BOD1: variants seen among roughly 807,000 people sequenced by gnomAD.
The protein encoded by BOD1 is biorientation of chromosomes in cell division protein 1.
Under a neutral mutation model 15.7 loss-of-function variants are expected in BOD1, and 11 were observed. The observed-to-expected ratio is 0.70, with a 90% CI of 0.44 to 1.16. The LOEUF (loss-of-function observed/expected upper bound fraction) is 1.16, where lower values mean the gene tolerates loss of function less well. Among genes scored for constraint, BOD1 ranks in the 50% most tolerant of loss-of-function variants. The probability of loss-of-function intolerance (pLI) is 0.00; values close to 1 mark genes in which losing one functional copy is unlikely to be tolerated. For missense variants in BOD1, 182 were observed against 244.5 expected (o/e 0.74, Z 1.70); for synonymous variants, 105 against 103.5 (o/e 1.01, Z -0.09).
At chr5:173,609,702 T>A in intron 2 of BOD1, 1 of 395,256 alleles carries the variant, frequency 2.5e-6, no homozygotes, top group South Asian at 4.3e-5. Flanking sequence ...CAAAACTAAG[T>A]GAGTTGCTCC....
chr5:173,612,403 G>A (rs114954224), intron 2 of BOD1, among the ~76,000 whole-genome samples: 161 of 152,220 alleles, frequency 1.1e-3, no homozygotes, highest in Non-Finnish European at 2.0e-3. Context: ...GTGTAGCTCC[G>A]TGCGACTTTA....
intron 2 of BOD1, among the ~76,000 whole-genome samples, chr5:173,611,209 CA>C: frequency 6.6e-6 from 1 of 152,292 alleles, no homozygotes. Flanking sequence ...ATGGAAAAAA[CA>C]AATATTGTAC....
chr5:173,616,395 G>C lies in BOD1; in HGVS notation c.42C>G (p.Gly14=). Reference sequence around the variant, plus strand: ...CAGAGGCCTGGCTAGTTCCGCCGCCGCCCACCGCGCCAGTTCCCCCGCCGC... The same window carrying C: ...CAGAGGCCTGGCTAGTTCCGCCGCCCCCCACCGCGCCAGTTCCCCCGCCGC... ...GGGGGGTGAV[G]GGGTSQASAG... The change falls in exon 1 of 4, where the codon GGC becomes GGG. Residue 14 remains glycine, a synonymous_variant. Coordinates refer to ENST00000311086, the MANE Select transcript of BOD1 (RefSeq NM_138369.3). The C allele has an allele frequency of 6.6e-7, 1 of 1,523,234 alleles. No homozygotes were observed. Among genetic ancestry groups the C allele is most frequent in the Non-Finnish European group, 8.7e-7 (1 of 1,144,688 alleles). The allele number at this position is 1,523,234 out of a possible 1,614,324, so 94.4% of individuals were successfully genotyped here.
chr5:173,608,353 T>C, intron 3 of BOD1, 61 bp from the exon 4 acceptor site: 1 of 1,271,316 alleles, frequency 7.9e-7, no homozygotes, highest in Non-Finnish European at 1.1e-6. Context: ...ATATTCACTT[T>C]TATGTTCCTA....
intron 3 of BOD1, 30 bp downstream of exon 3, chr5:173,609,208 T>C (rs1755281087): frequency 2.2e-6 from 3 of 1,384,830 alleles, no homozygotes; most frequent in African/African-American, 3.9e-5. Flanking sequence ...CAGAGATGCA[T>C]ACTCCTGGAC....
chr5:173,616,587 T>G lies in BOD1; in HGVS notation c.-151A>C, dbSNP rs963447554. 6.6e-6 allele frequency: 9 copies of G among 1,356,656 alleles called. No individual in the cohort carries two copies. In the East Asian group the frequency reaches 2.2e-4, roughly 33 times the overall value. The allele number at this position is 1,356,656 out of a possible 1,614,324, so 84.0% of individuals were successfully genotyped here. On this transcript the variant is annotated 5_prime_UTR_variant, in exon 1 of 4. Transcript: ENST00000311086. ...GTGGCGATGGCGGCAGGGGCGGTGG[T>G]GGGGGCGGCGGCGGCGAAGGCCCCC...
chr5:173,609,682 G>A (rs974015995), intron 2 of BOD1: 44 of 430,434 alleles, frequency 1.0e-4, no homozygotes, highest in Non-Finnish European at 1.7e-4. Context: ...TTGTACAAAA[G>A]AATCAAAAAC....
chr5:173,614,649 A>C (rs1755443940), intron 1 of BOD1: 1 of 152,246 alleles, frequency 6.6e-6, no homozygotes. Context: ...GAAGCAACAA[A>C]GGTCTCAGAT....
In BOD1 at chr5:173,616,588, G is replaced by C; in HGVS notation, c.-152C>G. The C allele has an allele frequency of 1.5e-6, 2 of 1,359,270 alleles. No homozygotes were observed. Among genetic ancestry groups the C allele is most frequent in the Non-Finnish European group, 1.9e-6 (2 of 1,063,482 alleles). The allele number at this position is 1,359,270 out of a possible 1,614,324, so 84.2% of individuals were successfully genotyped here. Reference sequence around the variant, plus strand: ...TGGCGATGGCGGCAGGGGCGGTGGTGGGGGCGGCGGCGGCGAAGGCCCCCT... The same window carrying C: ...TGGCGATGGCGGCAGGGGCGGTGGTCGGGGCGGCGGCGGCGAAGGCCCCCT... On this transcript the variant is annotated 5_prime_UTR_variant, in exon 1 of 4. Coordinates refer to ENST00000311086, the MANE Select transcript of BOD1 (RefSeq NM_138369.3).
At chr5:173,608,416 A>G (rs1228873736) in intron 3 of BOD1, 124 bp from the exon 4 acceptor site, 1 of 763,212 alleles carries the variant, frequency 1.3e-6, no homozygotes, top group Non-Finnish European at 2.1e-6. Flanking sequence ...TACACTCCAT[A>G]TTGGACTCAA....
chr5:173,616,525 GGTGAAGGAGGAGGGCCCCAAGGCGGCA>G lies in BOD1; in HGVS notation c.-116_-90del. 1 of 1,452,236 alleles carries G rather than the reference GGTGAAGGAGGAGGGCCCCAAGGCGGCA, an allele frequency of 6.9e-7. No homozygotes were observed. The highest frequency in any genetic ancestry group is 1.4e-5 in the South Asian group (1 of 72,822). 90.0% of individuals were successfully genotyped at this position (1,452,236 alleles called of 1,614,324 possible). A position where few individuals can be genotyped will look rare whatever the true frequency, so the allele number is the denominator to read the frequency against. On this transcript the variant is annotated 5_prime_UTR_variant, in exon 1 of 4. Coordinates refer to ENST00000311086, the MANE Select transcript of BOD1 (RefSeq NM_138369.3). ...AACGTGTAGAGGTGGTGAAGGGGGC[GGTGAAGGAGGAGGGCCCCAAGGCGGCA>G]GCGGCGGAGGTGGCGATGGCGGCAG...
rs886944241 is a variant in BOD1, at chr5:173,616,413, C to G, written c.24G>C (p.Gly8=). 47 of 1,538,442 alleles carry G rather than the reference C, an allele frequency of 3.1e-5. No individual in the cohort carries two copies. The African/African-American group carries it at 6.0e-4, about 20-fold the overall frequency. ...CGCCGCCGCCCACCGCGCCAGTTCC[C>G]CCGCCGCCGCCGCCGTCCGCCATGG... MADGGGG[G]GTGAVGGGGT... The change falls in exon 1 of 4, where the codon GGG becomes GGC. Residue 8 remains glycine, a synonymous_variant. Transcript: ENST00000311086.
chr5:173,610,300 T>A (rs1019490822), intron 2 of BOD1, among the ~76,000 whole-genome samples: 2 of 152,260 alleles, frequency 1.3e-5, no homozygotes, highest in Non-Finnish European at 2.9e-5. Flanking sequence ...AGAGGCCATT[T>A]AAGCCTTCGG....
chr5:173,616,192 G>A lies in BOD1; in HGVS notation c.237+8C>T, dbSNP rs779613427. On this transcript the variant is annotated splice_region_variant and intron_variant, in intron 1 of 3. Transcript: ENST00000311086. ...CCCGCTCCCCAACGCCCAGGCGGCC[G>A]CAGCTACCTTGGTGTCCACGTCGGC... 1 of 1,574,104 alleles carries A rather than the reference G, an allele frequency of 6.4e-7. No individual in the cohort carries two copies. Among genetic ancestry groups the A allele is most frequent in the Non-Finnish European group, 8.6e-7 (1 of 1,160,824 alleles).
At chr5:173,616,159 C>A in intron 1 of BOD1, 41 bp downstream of exon 1, 4 of 1,554,426 alleles carry the variant, frequency 2.6e-6, no homozygotes, top group East Asian at 2.4e-5. Flanking sequence ...GGCGGCCTCA[C>A]GTGCAGCCCC....
rs1581240150 is a variant in BOD1, at chr5:173,608,098, A to C, written c.*196T>G. The C allele has an allele frequency of 8.4e-6, 4 of 474,528 alleles. No individual in the cohort carries two copies. The East Asian group carries it at 1.1e-4, about 13-fold the overall frequency. 29.4% of individuals were successfully genotyped at this position (474,528 alleles called of 1,614,324 possible). The stretch of plus-strand genomic sequence containing the variant: ...GGACAGGCTGGCCAAATGGCAGCAC[A>C]ATGCAGGGGGTGACACGGTCAACTC... On this transcript the variant is annotated 3_prime_UTR_variant, in exon 4 of 4. Transcript: ENST00000311086.
At position 173,607,282 on chromosome 5, in the gene BOD1, C is replaced by T. The variant is rs1488876737; in HGVS notation, c.*1012G>A. Among the ~76,000 whole-genome samples, 1 of 152,216 alleles carries T rather than the reference C, an allele frequency of 6.6e-6. No homozygotes were observed. Among genetic ancestry groups the T allele is most frequent in the Non-Finnish European group, 1.5e-5 (1 of 68,046 alleles). The stretch of plus-strand genomic sequence containing the variant: ...CTTAAATCCCCAGGTGCTACTTCTG[C>T]ACACACAAGGATGACAAACACTGAC... On this transcript the variant is annotated 3_prime_UTR_variant, in exon 4 of 4. Transcript: ENST00000311086.
chr5:173,612,359 T>A (rs1035682459), intron 2 of BOD1, among the ~76,000 whole-genome samples: 12 of 152,194 alleles, frequency 7.9e-5, no homozygotes, highest in Non-Finnish European at 1.3e-4. Context: ...CCAGACCTTA[T>A]TTAGACTTCA....
intron 2 of BOD1, among the ~76,000 whole-genome samples, chr5:173,612,416 A>G (rs1293574937): frequency 6.6e-6 from 1 of 152,218 alleles, no homozygotes; most frequent in African/African-American, 2.4e-5. Context: ...CGACTTTACC[A>G]TACGAGCTGT....
Sources: gnomAD v4.1 joint callset for allele counts (sites outside exome capture counted in the v4.1 genomes callset) on GRCh38, gnomAD v4.1.1 for gene constraint, MANE v1.5 for transcripts, NCBI Gene and HGNC (gene_info 2026-07-23, HGNC 2026-07-21) for gene names.